DOCK2: variants seen among roughly 807,000 people sequenced by gnomAD.
The protein encoded by DOCK2 is dedicator of cytokinesis 2.
In DOCK2, 87 loss-of-function variants were observed where a neutral mutation model predicts 248.9. The ratio of observed to expected loss-of-function variants is 0.35; its 90% CI spans 0.29 to 0.42. The LOEUF is 0.42. Ranked by LOEUF, DOCK2 falls within the 10% of genes least tolerant of loss-of-function variation. The pLI is 1.00. For synonymous variants in DOCK2, 805 were observed against 821.6 expected (o/e 0.98, Z 0.35); for missense variants, 1,747 against 2,300.2 (o/e 0.76, Z 4.92).
chr5:169,735,288 G>A (rs2113640536), intron 22 of DOCK2, among the ~76,000 whole-genome samples: 1 of 152,264 alleles, frequency 6.6e-6, no homozygotes, highest in Non-Finnish European at 1.5e-5. Context: ...CTAGGTGAAA[G>A]GAGAAGTCTT....
At position 170,068,789 on chromosome 5, in the gene DOCK2, C is replaced by CG. The variant is rs532657376; in HGVS notation, c.4645-345dup. Reference sequence around the variant, plus strand: ...ATCCCCTACAGTGCTTCCTGACACACGGGTCCTCACCCCACCCCCAGAGTT... The same window carrying CG: ...ATCCCCTACAGTGCTTCCTGACACACGGGGTCCTCACCCCACCCCCAGAGTT... On this transcript the variant is annotated intron_variant, in intron 45 of 51. Transcript: ENST00000520908. Among the ~76,000 whole-genome samples the CG allele has an allele frequency of 2.0e-5, 3 of 152,316 alleles. No homozygotes were observed. In the East Asian group the frequency reaches 5.8e-4, roughly 29 times the overall value.
chr5:169,670,501 T>C (rs1758989950), intron 3 of DOCK2, 41 bp from the exon 4 acceptor site: 1 of 1,596,892 alleles, frequency 6.3e-7, no homozygotes, highest in Non-Finnish European at 8.5e-7. Context: ...GTGATATATC[T>C]TTTTATTTTA....
chr5:169,979,905 C>T (rs539615769), intron 27 of DOCK2, among the ~76,000 whole-genome samples: 1 of 152,192 alleles, frequency 6.6e-6, no homozygotes, highest in South Asian at 2.1e-4. Flanking sequence ...CTAGAATCCC[C>T]CTCCCTTTTT....
intron 27 of DOCK2, among the ~76,000 whole-genome samples, chr5:169,977,336 GTCA>G: frequency 6.6e-6 from 1 of 152,210 alleles, no homozygotes. Context: ...GGTAGGCGGA[GTCA>G]TCATTTCCTC....
intron 23 of DOCK2, among the ~76,000 whole-genome samples, chr5:169,753,059 A>G (rs1189846133): frequency 7.3e-6 from 1 of 136,470 alleles, no homozygotes; most frequent in Non-Finnish European, 1.5e-5. Context: ...GCAAGACTCT[A>G]TCTAAAAATA....
chr5:169,914,072 C>A (rs190269989), intron 27 of DOCK2, among the ~76,000 whole-genome samples: 1 of 152,224 alleles, frequency 6.6e-6, no homozygotes, highest in Admixed American at 6.5e-5. Context: ...AAGCTTTTGA[C>A]TGAAGAAAAA....
At chr5:170,008,658 G>T (rs1453863322) in intron 31 of DOCK2, 30 bp from the exon 32 acceptor site, 1 of 1,613,938 alleles carries the variant, frequency 6.2e-7, no homozygotes, top group Non-Finnish European at 8.5e-7. Context: ...CTGAGATGGT[G>T]CCTGAAGCAG....
intron 32 of DOCK2, among the ~76,000 whole-genome samples, chr5:170,012,056 G>A (rs558246401): frequency 6.6e-6 from 1 of 152,314 alleles, no homozygotes; most frequent in Non-Finnish European, 1.5e-5. Flanking sequence ...GTTGCCAGAC[G>A]AGGCCAAGAG....
intron 25 of DOCK2, among the ~76,000 whole-genome samples, chr5:169,780,923 T>G (rs1215530749): frequency 6.6e-6 from 1 of 152,178 alleles, no homozygotes; most frequent in Admixed American, 6.5e-5. Flanking sequence ...CCAAAACACT[T>G]CTAATATTAT....
At chr5:169,761,357 A>G in intron 24 of DOCK2, 162 bp from the exon 25 acceptor site, 1 of 634,936 alleles carries the variant, frequency 1.6e-6, no homozygotes, top group South Asian at 2.0e-5. Context: ...CTATACCAAG[A>G]ACAACTTGTA....
intron 35 of DOCK2, 44 bp downstream of exon 35, chr5:170,034,599 G>C (rs201910773): frequency 2.0e-5 from 32 of 1,608,036 alleles, no homozygotes; most frequent in East Asian, 4.5e-5. Context: ...AACCCTGTGG[G>C]GGGGCTTGGG....
chr5:170,005,778 C>G (rs536497756), intron 30 of DOCK2, among the ~76,000 whole-genome samples: 25 of 151,970 alleles, frequency 1.6e-4, no homozygotes, highest in African/African-American at 6.0e-4. Context: ...AATGGGATGA[C>G]AGAGAAAATG....
intron 27 of DOCK2, among the ~76,000 whole-genome samples, chr5:169,901,234 T>C (rs6883554): frequency 0.37 from 55,879 of 151,974 alleles, 11,454 homozygotes; most frequent in Admixed American, 0.5. Context: ...ACACTGGCTC[T>C]GATGCAAGAA....
intron 27 of DOCK2, among the ~76,000 whole-genome samples, chr5:169,977,612 T>G: frequency 6.6e-6 from 1 of 152,216 alleles, no homozygotes. Context: ...GAACTCAGGC[T>G]TTCTGGCTCC....
intron 39 of DOCK2, among the ~76,000 whole-genome samples, chr5:170,047,287 TC>T (rs1465100875): frequency 2.0e-5 from 3 of 152,196 alleles, no homozygotes; most frequent in African/African-American, 7.2e-5. Context: ...CAAGGGTGAT[TC>T]AAGTAACCAC....
At chr5:169,934,862 G>T (rs1775917575) in intron 27 of DOCK2, 2 of 371,766 alleles carry the variant, frequency 5.4e-6, no homozygotes, top group African/African-American at 2.1e-5. Flanking sequence ...ATTATACATT[G>T]CCAAAACAAC....
intron 27 of DOCK2, among the ~76,000 whole-genome samples, chr5:169,959,526 A>G (rs1220286168): frequency 6.6e-6 from 1 of 152,200 alleles, no homozygotes; most frequent in African/African-American, 2.4e-5. Context: ...CTAATAGTCC[A>G]CAGGGTGATG....
At chr5:169,815,831 A>G (rs1353473615) in intron 26 of DOCK2, among the ~76,000 whole-genome samples, 1 of 152,122 alleles carries the variant, frequency 6.6e-6, no homozygotes. Flanking sequence ...GCTCTGACCC[A>G]TAAATGGCGT....
intron 26 of DOCK2, among the ~76,000 whole-genome samples, chr5:169,813,510 C>T (rs898378674): frequency 6.6e-6 from 1 of 152,164 alleles, no homozygotes; most frequent in African/African-American, 2.4e-5. Flanking sequence ...CCAGCACACC[C>T]CTGCCAGGGA....
Sources: allele counts gnomAD v4.1 joint callset (sites outside exome capture counted in the v4.1 genomes callset), GRCh38; gene constraint gnomAD v4.1.1; transcripts MANE v1.5; gene names NCBI Gene and HGNC (gene_info 2026-07-23, HGNC 2026-07-21).